Variants in SHROOM4 observed in about 807,000 individuals in gnomAD.
SHROOM4 encodes the protein protein Shroom4.
SHROOM4 carries 17 observed loss-of-function variants against 80.3 expected under a neutral mutation model. The ratio of observed to expected loss-of-function variants is 0.21; its 90% CI spans 0.14 to 0.32. The LOEUF (loss-of-function observed/expected upper bound fraction) is 0.32. SHROOM4 is among the 10% of genes least tolerant of loss of function. The probability of loss-of-function intolerance (pLI) is 1.00; values close to 1 mark genes in which losing one functional copy is unlikely to be tolerated. For synonymous variants in SHROOM4, 400 were observed against 437.5 expected, an observed-to-expected ratio of 0.91 and a Z score of 1.07; for missense variants, 993 against 1,140.3, an observed-to-expected ratio of 0.87 and a Z score of 1.86.
chrX:50,662,549 G>A (rs1434458032), intron 2 of SHROOM4, among the ~76,000 whole-genome samples: 1 of 111,041 alleles, frequency 9.0e-6, no homozygotes, highest in African/African-American at 3.3e-5. Flanking sequence ...TTTCTAGAAA[G>A]TGCTCAACAG....
At chrX:50,710,149 C>A (rs369975418) in intron 1 of SHROOM4, among the ~76,000 whole-genome samples, 1 of 111,744 alleles carries the variant, frequency 8.9e-6, no homozygotes, top group Non-Finnish European at 1.9e-5. Context: ...AACTACCATT[C>A]GACCCAGAAA....
At chrX:50,797,076 C>G (rs1042429475) in intron 1 of SHROOM4, among the ~76,000 whole-genome samples, 2 of 101,996 alleles carry the variant, frequency 2.0e-5, no homozygotes, top group Non-Finnish European at 4.0e-5. Flanking sequence ...AAAGAAGAAA[C>G]AGAGAAAAGA....
chrX:50,681,504 T>C (rs1300827663), intron 2 of SHROOM4, among the ~76,000 whole-genome samples: 2 of 111,723 alleles, frequency 1.8e-5, no homozygotes, highest in African/African-American at 6.5e-5. Context: ...TCTCCCCAGA[T>C]CTTTATATGG....
intron 5 of SHROOM4, among the ~76,000 whole-genome samples, chrX:50,614,610 C>T (rs1343492164): frequency 8.9e-6 from 1 of 112,429 alleles, no homozygotes; most frequent in Non-Finnish European, 1.9e-5. Context: ...GGTGATCTTA[C>T]ACACTGTTGG....
rs1444478495 is a variant in SHROOM4 at position 50,607,560 on chromosome X, C to T, written c.3582G>A (p.Ser1194=). The part of the protein sequence containing the change: ...QPLSFGHLEG[S]RQGSQSVPAE... ...CTGGGACACTTTGTGAACCCTGTCTCGAGCCCTCCAGGTGGCCAAAGCTGA... is the reference window on the plus strand; with the variant it reads ...CTGGGACACTTTGTGAACCCTGTCTTGAGCCCTCCAGGTGGCCAAAGCTGA... The change falls in exon 6 of 9, where the codon TCG becomes TCA. Residue 1194 remains serine, a synonymous_variant. Coordinates refer to ENST00000376020, the MANE Select transcript of SHROOM4 (RefSeq NM_020717.5). 4.1e-6 allele frequency: 5 copies of T among 1,209,044 alleles called. No individual in the cohort carries two copies. Among genetic ancestry groups the T allele is most frequent in the Admixed American group, 2.2e-5 (1 of 45,641 alleles).
chrX:50,795,114 GATATATATATATGATATAT>G (rs1935960337), intron 1 of SHROOM4, among the ~76,000 whole-genome samples: 2 of 50,511 alleles, frequency 4.0e-5, no homozygotes, highest in African/African-American at 3.1e-4. Context: ...ATATATATAT[GATATATATATATGATATAT>G]ATATATATAT....
At chrX:50,637,770 A>T (rs1359833422) in intron 3 of SHROOM4, among the ~76,000 whole-genome samples, 8 of 112,186 alleles carry the variant, frequency 7.1e-5, no homozygotes, top group Non-Finnish European at 1.3e-4. Context: ...CAGAGGTAAT[A>T]AAGACCAGAT....
chrX:50,732,103 A>T (rs1481185258), intron 1 of SHROOM4, among the ~76,000 whole-genome samples: 2 of 111,817 alleles, frequency 1.8e-5, no homozygotes, highest in East Asian at 5.6e-4. Context: ...GTTGTTGTAA[A>T]CAACAGAATA....
At chrX:50,682,936 C>T (rs948021858) in intron 2 of SHROOM4, among the ~76,000 whole-genome samples, 1 of 111,395 alleles carries the variant, frequency 9.0e-6, no homozygotes, top group Non-Finnish European at 1.9e-5. Context: ...TGGGCACAAT[C>T]TAATCAGCTG....
At chrX:50,682,558 G>A (rs1007921411) in intron 2 of SHROOM4, among the ~76,000 whole-genome samples, 10 of 111,746 alleles carry the variant, frequency 8.9e-5, no homozygotes, top group African/African-American at 2.9e-4. Context: ...AGGCTGTTAC[G>A]ATTCTAGATA....
intron 1 of SHROOM4, among the ~76,000 whole-genome samples, chrX:50,783,813 T>A (rs2147681909): frequency 9.0e-6 from 1 of 111,701 alleles, no homozygotes; most frequent in Non-Finnish European, 1.9e-5. Flanking sequence ...TGACCTCAGG[T>A]GATCCACCCG....
chrX:50,764,787 T>C (rs1355712824), intron 1 of SHROOM4, among the ~76,000 whole-genome samples: 1 of 111,973 alleles, frequency 8.9e-6, no homozygotes, highest in Non-Finnish European at 1.9e-5. Flanking sequence ...TATGCTTTTC[T>C]TGGCTTTTGG....
rs1373393191 is a variant in SHROOM4 at position 50,596,135 on chromosome X, G to C, written c.*560C>G. The C allele has an allele frequency of 3.0e-6, 1 of 328,437 alleles. No individual in the cohort carries two copies. Among genetic ancestry groups the C allele is most frequent in the African/African-American group, 2.6e-5 (1 of 37,831 alleles). The allele number at this position is 328,437 out of a possible 1,213,427, so 27.1% of individuals were successfully genotyped here. On this transcript the variant is annotated 3_prime_UTR_variant, in exon 9 of 9. Coordinates refer to ENST00000376020, the MANE Select transcript of SHROOM4 (RefSeq NM_020717.5). The stretch of plus-strand genomic sequence containing the variant: ...TGGTTCCTTCCTAAGGGGCACCTGG[G>C]GGTACTCAACCTTTGCTTGCATTTT...
chrX:50,701,739 C>T (rs1933523331), intron 1 of SHROOM4, among the ~76,000 whole-genome samples: 1 of 111,554 alleles, frequency 9.0e-6, no homozygotes, highest in Admixed American at 9.5e-5. Flanking sequence ...TACATTTTTA[C>T]TAAAAATGTT....
chrX:50,772,289 T>A lies in SHROOM4; in HGVS notation c.117+41613A>T, dbSNP rs190935409. ...TAGTAGCTAACATTTACTGAGCAGTTACTATGTACCTTGGTTTTAAGTACA... is the reference window on the plus strand; with the variant it reads ...TAGTAGCTAACATTTACTGAGCAGTAACTATGTACCTTGGTTTTAAGTACA... On this transcript the variant is annotated intron_variant, in intron 1 of 8. Transcript: ENST00000376020. Among the ~76,000 whole-genome samples, 670 of 111,668 alleles carry A rather than the reference T, an allele frequency of 6.0e-3. 8 individuals are homozygous for A. The highest frequency in any genetic ancestry group is 0.021 in the African/African-American group (634 of 30,712).
intron 1 of SHROOM4, among the ~76,000 whole-genome samples, chrX:50,722,768 G>A (rs782238797): frequency 4.5e-5 from 5 of 110,693 alleles, no homozygotes; most frequent in South Asian, 3.9e-4. Flanking sequence ...ATTTCATTCC[G>A]GAAATCTCAA....
chrX:50,795,313 G>A (rs1016501603), intron 1 of SHROOM4, among the ~76,000 whole-genome samples: 21 of 107,283 alleles, frequency 2.0e-4, no homozygotes, highest in Non-Finnish European at 1.1e-4. Context: ...GATTTAGAAA[G>A]AGGAGATTCA....
At position 50,635,247 on chromosome X, in the gene SHROOM4, G is replaced by A. The variant is rs138928073; in HGVS notation, c.826C>T (p.Pro276Ser). 5 of 1,202,005 alleles carry A rather than the reference G, an allele frequency of 4.2e-6. No homozygotes were observed. The African/African-American group carries it at 8.7e-5, about 21-fold the overall frequency. ...TGAAGGCTGTCCCGCCTCACTGGAG[G>A]TTGTGGTGGGCCCCTGACTGCTTTG... ...PAKAVRGPPQPPVRRDSLQAS... is the reference protein window; with the variant it reads ...PAKAVRGPPQSPVRRDSLQAS... The change falls in exon 4 of 9, where the codon CCT (proline) becomes TCT (serine). Residue 276 changes from proline (P) to serine (S), a missense_variant. Pro to Ser is a moderately conservative substitution (Grantham distance 74). Coordinates refer to ENST00000376020, the MANE Select transcript of SHROOM4 (RefSeq NM_020717.5).
At chrX:50,690,848 TC>T (rs1405704658) in intron 2 of SHROOM4, among the ~76,000 whole-genome samples, 1 of 111,910 alleles carries the variant, frequency 8.9e-6, no homozygotes, top group Non-Finnish European at 1.9e-5. Context: ...ACGCCTGTAG[TC>T]CCAGCTACTT....
Sources: allele counts gnomAD v4.1 joint callset (sites outside exome capture counted in the v4.1 genomes callset), GRCh38; gene constraint gnomAD v4.1.1; transcripts MANE v1.5; gene names NCBI Gene and HGNC (gene_info 2026-07-23, HGNC 2026-07-21).